Variants in MEIS1 observed in about 807,000 individuals in gnomAD.
The protein encoded by MEIS1 is Meis homeobox 1, also known as homeobox protein Meis1.
In MEIS1, 5 loss-of-function variants were observed where a neutral mutation model predicts 50.8. The ratio of observed to expected loss-of-function variants is 0.10; its 90% confidence interval spans 0.05 to 0.21. MEIS1 has a LOEUF of 0.21. Among genes scored for constraint, MEIS1 ranks in the 10% least tolerant of loss-of-function variants. MEIS1 has a pLI of 1.00. For missense variants in MEIS1, 318 were observed against 517.3 expected (o/e 0.61, Z 3.74); for synonymous variants, 176 against 179.3 (o/e 0.98, Z 0.15).
In MEIS1 at chr2:66,464,179, G is replaced by T. The variant is rs780426099; in HGVS notation, c.701G>T (p.Gly234Val). Residue 234 changes from glycine (G) to valine (V), a missense_variant, in exon 7 of 13, where the codon GGT becomes GTT. Around this residue, in one of 6 missense-constraint regions of MEIS1, gnomAD observed 48 missense variants for 50.9 expected, o/e 0.94. Coordinates refer to ENST00000272369, the MANE Select transcript of MEIS1 (RefSeq NM_002398.3). The part of the protein sequence containing the change: ...RSGGTPGPSS[G>V]GHTSHSGDNS... Reference sequence around the variant, plus strand: ...GGAGGAACCCCAGGCCCTTCCAGCGGTGGCCACACGTCACACAGTGGGGAC... The same window carrying T: ...GGAGGAACCCCAGGCCCTTCCAGCGTTGGCCACACGTCACACAGTGGGGAC... The T allele has an allele frequency of 6.2e-7, 1 of 1,604,834 alleles. No individual in the cohort carries two copies. Among genetic ancestry groups the T allele is most frequent in the Non-Finnish European group, 8.5e-7 (1 of 1,175,854 alleles).
chr2:66,440,514 C>T, intron 3 of MEIS1, 48 bp from the exon 4 acceptor site: 1 of 1,541,676 alleles, frequency 6.5e-7, no homozygotes, highest in South Asian at 1.2e-5. Context: ...ATTTTTCTTT[C>T]TTTTTTCTCT....
chr2:66,450,130 A>G (rs974635044), intron 6 of MEIS1, among the ~76,000 whole-genome samples: 4 of 152,172 alleles, frequency 2.6e-5, no homozygotes, highest in Non-Finnish European at 5.9e-5. Flanking sequence ...TGACATATGG[A>G]CCAATTTATG....
chr2:66,523,673 A>C (rs1209328390), intron 8 of MEIS1, among the ~76,000 whole-genome samples: 1 of 152,218 alleles, frequency 6.6e-6, no homozygotes, highest in African/African-American at 2.4e-5. Context: ...CTTTGGAAAA[A>C]ATCTGTAAAG....
chr2:66,569,899 C>T (rs1572912851), intron 12 of MEIS1: 1 of 152,510 alleles, frequency 6.6e-6, no homozygotes, highest in African/African-American at 2.4e-5. Flanking sequence ...GTGAAGTGGG[C>T]CTAGGAAAAC....
Position 66,509,571 on chromosome 2 carries a change from G to C in MEIS1, c.743-2578G>C, listed in dbSNP as rs140199701. On this transcript the variant is annotated intron_variant, in intron 7 of 12. Transcript: ENST00000272369. ...GAGAGGTCACTGCCAGGGACTGAAG[G>C]GGGTGATCTGGCTCCTGCTTGAAAG... 9.3e-3 allele frequency among the ~76,000 whole-genome samples: 1,409 copies of C among 152,312 alleles called. 12 individuals are homozygous for C. Among genetic ancestry groups the C allele is most frequent in the South Asian group, 0.038 (182 of 4,816 alleles).
intron 6 of MEIS1, chr2:66,443,296 TTTTAA>T (rs1672045018): frequency 2.1e-6 from 1 of 468,788 alleles, no homozygotes; most frequent in Non-Finnish European, 3.7e-6. Flanking sequence ...TTCTTGTCGC[TTTTAA>T]TTTTTGTCTT....
chr2:66,503,767 C>T (rs1186875565), intron 7 of MEIS1, among the ~76,000 whole-genome samples: 7 of 80,026 alleles, frequency 8.7e-5, no homozygotes, highest in Non-Finnish European at 1.3e-4. Context: ...TTTTTTGAGA[C>T]GGGGTCTAGC....
At chr2:66,439,407 C>A in intron 2 of MEIS1, 2 of 1,255,112 alleles carry the variant, frequency 1.6e-6, no homozygotes, top group Non-Finnish European at 2.0e-6. Context: ...CTGGGCTTCG[C>A]GCGGCCGCCT....
intron 2 of MEIS1, chr2:66,439,118 G>A: frequency 6.5e-6 from 1 of 154,116 alleles, no homozygotes; most frequent in Non-Finnish European, 1.3e-5. Context: ...GCTGAGACAA[G>A]CGACATCTAG....
At chr2:66,568,323 A>G (rs1675399830) in intron 10 of MEIS1, 1 of 218,044 alleles carries the variant, frequency 4.6e-6, no homozygotes, top group African/African-American at 2.3e-5. Flanking sequence ...CTCATCTCTT[A>G]GGGAGCACTA....
intron 8 of MEIS1, among the ~76,000 whole-genome samples, chr2:66,543,632 G>A (rs888888262): frequency 6.6e-6 from 1 of 152,126 alleles, no homozygotes; most frequent in Admixed American, 6.5e-5. Flanking sequence ...AGATCAAATG[G>A]GAAACACTCG....
chr2:66,542,100 A>C (rs1407300469), intron 8 of MEIS1, among the ~76,000 whole-genome samples: 1 of 152,192 alleles, frequency 6.6e-6, no homozygotes, highest in Non-Finnish European at 1.5e-5. Flanking sequence ...TTTTATAGGC[A>C]AAAAACCATT....
At position 66,491,807 on chromosome 2, in the gene MEIS1, C is replaced by A. The variant is rs549295088; in HGVS notation, c.743-20342C>A. 6.6e-5 allele frequency among the ~76,000 whole-genome samples: 10 copies of A among 152,082 alleles called. No individual in the cohort carries two copies. The East Asian group carries it at 2.0e-3, about 30-fold the overall frequency. The stretch of plus-strand genomic sequence containing the variant: ...TGGGGCTTCGTACACTCCCTTAATT[C>A]CACAATGGAGACAGTTGATTTGGGT... On this transcript the variant is annotated intron_variant, in intron 7 of 12. Transcript: ENST00000272369.
At chr2:66,559,152 ACT>A in intron 9 of MEIS1, among the ~76,000 whole-genome samples, 1 of 140,696 alleles carries the variant, frequency 7.1e-6, no homozygotes, top group East Asian at 2.0e-4. Context: ...AGAGAGAGAG[ACT>A]CTGTCTCAAA....
At chr2:66,494,232 T>C (rs911069491) in intron 7 of MEIS1, among the ~76,000 whole-genome samples, 1 of 152,208 alleles carries the variant, frequency 6.6e-6, no homozygotes, top group Non-Finnish European at 1.5e-5. Flanking sequence ...CGTGTAGAAA[T>C]GAAGAGTTAG....
chr2:66,571,677 C>A lies in MEIS1; in HGVS notation c.*469C>A. On this transcript the variant is annotated 3_prime_UTR_variant, in exon 13 of 13. Transcript: ENST00000272369. ...GGGACCTTTAAAAAGCAGGAAATACCAACTGAAGTCAATTTGGGGGACATG... is the reference window on the plus strand; with the variant it reads ...GGGACCTTTAAAAAGCAGGAAATACAAACTGAAGTCAATTTGGGGGACATG... 2.4e-6 allele frequency: 2 copies of A among 833,508 alleles called. No individual in the cohort carries two copies. The highest frequency in any genetic ancestry group is 3.7e-6 in the Non-Finnish European group (2 of 540,722). The allele number at this position is 833,508 out of a possible 1,614,324, so 51.6% of individuals were successfully genotyped here.
At chr2:66,476,235 A>G (rs1415929718) in intron 7 of MEIS1, among the ~76,000 whole-genome samples, 1 of 152,198 alleles carries the variant, frequency 6.6e-6, no homozygotes, top group Non-Finnish European at 1.5e-5. Flanking sequence ...CTGAGGGAAT[A>G]TGACTTCAGC....
chr2:66,549,820 C>T (rs1197688300), intron 9 of MEIS1, among the ~76,000 whole-genome samples: 2 of 152,150 alleles, frequency 1.3e-5, no homozygotes, highest in Non-Finnish European at 2.9e-5. Flanking sequence ...CTCATAAACA[C>T]AGTTACCAGA....
chr2:66,543,044 A>C (rs1285184269), intron 8 of MEIS1, among the ~76,000 whole-genome samples: 1 of 152,184 alleles, frequency 6.6e-6, no homozygotes, highest in Non-Finnish European at 1.5e-5. Context: ...CCAGATAACC[A>C]ACTTAAAATC....
Sources: gnomAD v4.1 joint callset for allele counts (sites outside exome capture counted in the v4.1 genomes callset) on GRCh38, gnomAD v4.1.1 for gene constraint, gnomAD v4.1.1 regional missense constraint, MANE v1.5 for transcripts, NCBI Gene and HGNC (gene_info 2026-07-23, HGNC 2026-07-21) for gene names.